Variants in DNAH14 observed in about 807,000 individuals in gnomAD.
DNAH14 encodes the protein dynein axonemal heavy chain 14.
Under a neutral mutation model 520.9 loss-of-function variants are expected in DNAH14, and 478 were observed. The ratio of observed to expected loss-of-function variants is 0.92; its 90% confidence interval spans 0.85 to 0.99. The LOEUF is 0.99. Ranked by LOEUF, DNAH14 falls within the 50% of genes least tolerant of loss-of-function variation. The pLI is 0.00. For synonymous variants in DNAH14, 1,581 were observed against 1,757.2 expected (o/e 0.90, Z 2.51); for missense variants, 4,831 against 5,234.5 (o/e 0.92, Z 2.38).
intron 60 of DNAH14, among the ~76,000 whole-genome samples, chr1:225,310,911 T>A (rs998890242): frequency 2.0e-5 from 3 of 152,192 alleles, no homozygotes; most frequent in African/African-American, 7.2e-5. Flanking sequence ...TAAACATACG[T>A]GTGCATGTGT....
At chr1:225,277,044 G>A (rs1248896616) in intron 53 of DNAH14, among the ~76,000 whole-genome samples, 5 of 109,076 alleles carry the variant, frequency 4.6e-5, no homozygotes, top group Admixed American at 2.0e-4. Context: ...GGGAAAGGAA[G>A]GGAAGGAAAG....
Position 225,346,652 on chromosome 1 carries a change from C to A in DNAH14, c.11294C>A (p.Thr3765Asn), listed in dbSNP as rs2095290662. The A allele has an allele frequency of 6.5e-7, 1 of 1,533,378 alleles. No individual in the cohort carries two copies. Among genetic ancestry groups the A allele is most frequent in the Admixed American group, 2.1e-5 (1 of 48,354 alleles). 95.0% of individuals were successfully genotyped at this position (1,533,378 alleles called of 1,614,324 possible). A position where few individuals can be genotyped will look rare whatever the true frequency, so the allele number is the denominator to read the frequency against. ...AGTGCATTATCCCAGTCTAGACTTA[C>A]TAGTAAGTAAAAGTTACTATTCCGG... ...IKSALSQSRL[T>N]STFEIGESQH... The change falls in exon 71 of 86, where the codon ACT becomes AAT. Residue 3765 changes from threonine (T) to asparagine (N), a missense_variant and splice_region_variant. Coordinates refer to ENST00000682510, the MANE Select transcript of DNAH14 (RefSeq NM_001367479.1).
At position 225,085,718 on chromosome 1, in the gene DNAH14, T is replaced by G. The variant is rs766787292; in HGVS notation, c.3502T>G (p.Ser1168Ala). The G allele has an allele frequency of 6.4e-7, 1 of 1,551,352 alleles. No individual in the cohort carries two copies. ...IFIIPSIDDI[S>A]AQLEESQVIL... ...CATAATTCCATCTATAGATGACATATCAGCTCAGTTAGAAGAGTCTCAAGT... is the reference window on the plus strand; with the variant it reads ...CATAATTCCATCTATAGATGACATAGCAGCTCAGTTAGAAGAGTCTCAAGT... Residue 1168 changes from serine (S) to alanine (A), a missense_variant, in exon 21 of 86, where the codon TCA (serine) becomes GCA (alanine). Ser to Ala is a moderately conservative substitution (Grantham distance 99). Coordinates refer to ENST00000682510, the MANE Select transcript of DNAH14 (RefSeq NM_001367479.1).
chr1:225,041,468 A>T (rs2148211753), intron 12 of DNAH14, among the ~76,000 whole-genome samples: 1 of 152,314 alleles, frequency 6.6e-6, no homozygotes, highest in Non-Finnish European at 1.5e-5. Flanking sequence ...CAGCTAAGAG[A>T]TTTCTTCACT....
At chr1:225,195,600 C>T (rs1015741866) in intron 38 of DNAH14, among the ~76,000 whole-genome samples, 15 of 151,210 alleles carry the variant, frequency 9.9e-5, no homozygotes, top group African/African-American at 2.9e-4. Context: ...CCCCGAGACA[C>T]GCAATTTATC....
chr1:225,329,535 A>G (rs1051054708), intron 64 of DNAH14, among the ~76,000 whole-genome samples: 1 of 152,154 alleles, frequency 6.6e-6, no homozygotes, highest in Non-Finnish European at 1.5e-5. Flanking sequence ...AAGATAAGTG[A>G]TAATTTAAGA....
At position 224,967,587 on chromosome 1, in the gene DNAH14, A is replaced by T. The variant is rs1283160497; in HGVS notation, c.651+4A>T. 1 of 1,599,876 alleles carries T rather than the reference A, an allele frequency of 6.3e-7. No individual in the cohort carries two copies. Among genetic ancestry groups the T allele is most frequent in the Non-Finnish European group, 8.5e-7 (1 of 1,175,822 alleles). On this transcript the variant is annotated splice_donor_region_variant and intron_variant, in intron 6 of 85. Coordinates refer to ENST00000682510, the MANE Select transcript of DNAH14 (RefSeq NM_001367479.1). Reference sequence around the variant, plus strand: ...TACTGCTTCATTTATCTCAAAGGTAATGTTTAATGGATGTTTTAAGCTTTC... The same window carrying T: ...TACTGCTTCATTTATCTCAAAGGTATTGTTTAATGGATGTTTTAAGCTTTC...
intron 43 of DNAH14, among the ~76,000 whole-genome samples, chr1:225,245,893 C>CA (rs777356480): frequency 1.3e-5 from 2 of 151,654 alleles, no homozygotes; most frequent in Non-Finnish European, 2.9e-5. Flanking sequence ...CATATGGAAC[C>CA]AAAAAAGAAC....
chr1:225,169,084 A>C (rs936555038), intron 36 of DNAH14, among the ~76,000 whole-genome samples: 1 of 152,320 alleles, frequency 6.6e-6, no homozygotes, highest in Admixed American at 6.5e-5. Context: ...CCTGCAGCTG[A>C]GGGTCCTCTT....
chr1:225,379,062 T>C (rs765062761), intron 79 of DNAH14, among the ~76,000 whole-genome samples: 13 of 151,928 alleles, frequency 8.6e-5, no homozygotes, highest in Non-Finnish European at 1.5e-4. Flanking sequence ...CCAGCTCTAG[T>C]GTTTAGTGGT....
At position 225,002,809 on chromosome 1, in the gene DNAH14, T is replaced by A. The variant is rs1031615059; in HGVS notation, c.857T>A (p.Leu286Ter). ...SRSFLYHHLF[L>*]ADDLFQTCLV... ...TCATTTTTGTACCACCATCTTTTTT[T>A]GGCTGATGACTTGTTTCAAACCTGT... The change falls in exon 9 of 86, where the codon TTG (leucine) becomes TAG (stop). Residue 286 changes from leucine (L) to a stop codon, truncating the protein, a stop_gained. Transcript: ENST00000682510. LOFTEE classifies it high-confidence loss of function. 69 of 1,549,338 alleles carry A rather than the reference T, an allele frequency of 4.5e-5. No homozygotes were observed. Among genetic ancestry groups the A allele is most frequent in the African/African-American group, 6.9e-5 (5 of 72,926 alleles).
chr1:225,333,270 C>T, intron 65 of DNAH14, 21 bp from the exon 66 acceptor site: 1 of 1,502,464 alleles, frequency 6.7e-7, no homozygotes, highest in East Asian at 2.5e-5. Flanking sequence ...TAGAATAACT[C>T]ATTTCTATTT....
chr1:224,967,403 T>C (rs776903488), intron 5 of DNAH14, 28 bp from the exon 6 acceptor site: 9 of 1,481,252 alleles, frequency 6.1e-6, no homozygotes, highest in Non-Finnish European at 6.3e-6. Flanking sequence ...TTAATTAAAT[T>C]TGTTTATTAT....
intron 26 of DNAH14, among the ~76,000 whole-genome samples, chr1:225,121,458 TAGAG>T (rs2077277353): frequency 6.6e-6 from 1 of 152,208 alleles, no homozygotes; most frequent in African/African-American, 2.4e-5. Flanking sequence ...CTTCTGTGAA[TAGAG>T]AATGTTTTTT....
At chr1:225,129,169 G>C (rs1425272208) in intron 27 of DNAH14, among the ~76,000 whole-genome samples, 6 of 151,972 alleles carry the variant, frequency 3.9e-5, no homozygotes, top group African/African-American at 1.4e-4. Flanking sequence ...AATAAAAGAG[G>C]ATACAAACAA....
chr1:225,206,904 A>G, intron 40 of DNAH14, 64 bp from the exon 41 acceptor site: 1 of 1,328,410 alleles, frequency 7.5e-7, no homozygotes, highest in Non-Finnish European at 9.9e-7. Flanking sequence ...AGAGAGTAAG[A>G]TAGTAGAAGG....
chr1:225,007,463 A>T lies in DNAH14; in HGVS notation c.1026A>T (p.Leu342Phe). 1 of 1,542,210 alleles carries T rather than the reference A, an allele frequency of 6.5e-7. No homozygotes were observed. The highest frequency in any genetic ancestry group is 8.8e-7 in the Non-Finnish European group (1 of 1,141,534). ...TAGATGAATTTTGTGAAGAGCAGTT[A>T]CAGCAAGCTACCCAGGCATTGAAAC... Reference protein sequence around the residue: ...YSLDEFCEEQLQQATQALKQL... With the variant: ...YSLDEFCEEQFQQATQALKQL... Residue 342 changes from leucine (L) to phenylalanine (F), a missense_variant, in exon 10 of 86, where the codon TTA becomes TTT. Transcript: ENST00000682510.
At chr1:225,270,688 T>G (rs1263003459) in intron 49 of DNAH14, 47 bp from the exon 50 acceptor site, 1 of 1,522,312 alleles carries the variant, frequency 6.6e-7, no homozygotes, top group Non-Finnish European at 8.9e-7. Context: ...CATACTTCAC[T>G]TCCTACAGAT....
rs1364933787 is a variant in DNAH14, at chr1:225,085,410, A to T, written c.3328-134A>T. On this transcript the variant is annotated intron_variant, in intron 20 of 85. Coordinates refer to ENST00000682510, the MANE Select transcript of DNAH14 (RefSeq NM_001367479.1). ...TTAGACCATGAAGTTGCTGGTAAGG[A>T]TATAAACCTAACTGGAATTAGATCT... 5.1e-6 allele frequency: 4 copies of T among 787,710 alleles called. No individual in the cohort carries two copies. In the African/African-American group the frequency reaches 5.2e-5, roughly 10 times the overall value. The allele number at this position is 787,710 out of a possible 1,614,324, so 48.8% of individuals were successfully genotyped here.
Sources: allele counts gnomAD v4.1 joint callset (sites outside exome capture counted in the v4.1 genomes callset), GRCh38; gene constraint gnomAD v4.1.1; transcripts MANE v1.5; gene names NCBI Gene and HGNC (gene_info 2026-07-23, HGNC 2026-07-21).